The following CDH13 variants were observed in gnomAD, a reference collection of about 807,000 sequenced individuals.
The protein encoded by CDH13 is cadherin-13.
A neutral mutation model predicts 63.8 loss-of-function variants in CDH13; 24 were observed. The observed-to-expected ratio is 0.38, with a 90% confidence interval of 0.27 to 0.53. CDH13 has a LOEUF of 0.53. Among genes scored for constraint, CDH13 ranks in the 20% least tolerant of loss-of-function variants. The pLI is 0.85. For synonymous variants in CDH13, 503 were observed against 355.3 expected (o/e 1.42, Z -4.67); for missense variants, 1,049 against 903.1 (o/e 1.16, Z -2.07).
chr16:83,111,612 A>G (rs896432768), intron 3 of CDH13, among the ~76,000 whole-genome samples: 8 of 152,214 alleles, frequency 5.3e-5, no homozygotes, highest in Admixed American at 3.3e-4. Flanking sequence ...AGGGCTTAAC[A>G]TAAGGGAGTG....
intron 4 of CDH13, among the ~76,000 whole-genome samples, chr16:83,146,206 A>G (rs116887230): frequency 0.16 from 23,739 of 147,798 alleles, 2,365 homozygotes; most frequent in Middle Eastern, 0.27. Flanking sequence ...AAAAAAAAAA[A>G]AAAAGAAAAG....
At chr16:83,266,882 CCTAA>C (rs1372733397) in intron 5 of CDH13, among the ~76,000 whole-genome samples, 1 of 152,186 alleles carries the variant, frequency 6.6e-6, no homozygotes, top group Non-Finnish European at 1.5e-5. Context: ...GATGTCTTGT[CCTAA>C]CTATCAATGA....
At chr16:82,764,234 T>C (rs11859524) in intron 1 of CDH13, among the ~76,000 whole-genome samples, 4,284 of 152,318 alleles carry the variant, frequency 0.028, 212 homozygotes, top group African/African-American at 0.097. Flanking sequence ...ACTGCAACTT[T>C]TGAATTGTCA....
intron 7 of CDH13, among the ~76,000 whole-genome samples, chr16:83,568,597 G>T (rs1282947445): frequency 6.6e-6 from 1 of 152,160 alleles, no homozygotes; most frequent in East Asian, 1.9e-4. Flanking sequence ...TCCCGAGTGG[G>T]GGCAGGGGGT....
intron 3 of CDH13, among the ~76,000 whole-genome samples, chr16:83,036,207 T>G (rs1030586004): frequency 6.9e-6 from 1 of 145,176 alleles, no homozygotes; most frequent in Non-Finnish European, 1.5e-5. Flanking sequence ...TGGAGTGCAA[T>G]GGTACAATCT....
intron 7 of CDH13, among the ~76,000 whole-genome samples, chr16:83,575,992 G>A (rs1173738961): frequency 6.6e-6 from 1 of 152,150 alleles, no homozygotes; most frequent in African/African-American, 2.4e-5. Context: ...CGTTTAGTAC[G>A]TTAATTGATG....
intron 2 of CDH13, among the ~76,000 whole-genome samples, chr16:83,009,074 G>A (rs1308088563): frequency 2.0e-5 from 3 of 152,154 alleles, no homozygotes; most frequent in Admixed American, 6.5e-5. Context: ...CACCCCCACC[G>A]GGTCCTTTCT....
At chr16:82,880,501 A>T (rs1257089781) in intron 2 of CDH13, among the ~76,000 whole-genome samples, 1 of 152,062 alleles carries the variant, frequency 6.6e-6, no homozygotes, top group Non-Finnish European at 1.5e-5. Context: ...TTGGTGATGG[A>T]TTTAGGGAAA....
At chr16:82,686,367 A>C (rs928046672) in intron 1 of CDH13, among the ~76,000 whole-genome samples, 1 of 152,238 alleles carries the variant, frequency 6.6e-6, no homozygotes, top group Non-Finnish European at 1.5e-5. Flanking sequence ...AGTTAGGATC[A>C]ATACACTTAT....
chr16:83,392,642 C>G (rs1384693539), intron 6 of CDH13, among the ~76,000 whole-genome samples: 1 of 152,164 alleles, frequency 6.6e-6, no homozygotes, highest in Non-Finnish European at 1.5e-5. Context: ...TCATCTGGGA[C>G]CACGTCTTCC....
intron 10 of CDH13, among the ~76,000 whole-genome samples, chr16:83,732,759 G>C (rs974007676): frequency 6.6e-6 from 1 of 152,092 alleles, no homozygotes; most frequent in East Asian, 1.9e-4. Context: ...CCTCACCAGG[G>C]GCACCAAACC....
intron 2 of CDH13, among the ~76,000 whole-genome samples, chr16:82,865,204 G>A (rs1455979432): frequency 6.6e-6 from 1 of 152,192 alleles, no homozygotes; most frequent in Non-Finnish European, 1.5e-5. Context: ...GACAGTGCAA[G>A]CTGTCAATGG....
intron 3 of CDH13, among the ~76,000 whole-genome samples, chr16:83,111,011 A>AAAAAAAAG: frequency 6.6e-6 from 1 of 150,466 alleles, no homozygotes; most frequent in East Asian, 1.9e-4. Context: ...GCAAAAAAAA[A>AAAAAAAAG]AAAAAAAAAA....
chr16:83,398,094 C>T (rs747262287), intron 6 of CDH13: 1 of 152,192 alleles, frequency 6.6e-6, no homozygotes, highest in Non-Finnish European at 1.5e-5. Context: ...ACAGCAGAAT[C>T]CCCAGGAGGA....
At chr16:82,708,885 AG>A (rs2031698932) in intron 1 of CDH13, among the ~76,000 whole-genome samples, 1 of 152,222 alleles carries the variant, frequency 6.6e-6, no homozygotes, top group South Asian at 2.1e-4. Flanking sequence ...AAATTCTGCT[AG>A]GGCTCTCTTA....
chr16:83,728,692 T>C (rs1478550754), intron 10 of CDH13, among the ~76,000 whole-genome samples: 1 of 152,198 alleles, frequency 6.6e-6, no homozygotes, highest in African/African-American at 2.4e-5. Flanking sequence ...GTTTTTATTG[T>C]ATATATGTTT....
intron 10 of CDH13, among the ~76,000 whole-genome samples, chr16:83,694,186 A>T (rs1204986361): frequency 1.3e-5 from 2 of 152,204 alleles, no homozygotes; most frequent in East Asian, 3.9e-4. Context: ...GGAAGGAGGG[A>T]TTAGGGACCA....
intron 8 of CDH13, among the ~76,000 whole-genome samples, chr16:83,621,784 G>A (rs1231388792): frequency 1.3e-5 from 2 of 150,358 alleles, no homozygotes; most frequent in Non-Finnish European, 1.5e-5. Context: ...ACCGCACGCA[G>A]CCACCTCACC....
In CDH13 at chr16:83,670,958, C is replaced by G. The variant is rs1197321985; in HGVS notation, c.1270C>G (p.Leu424Val). Residue 424 changes from leucine (L) to valine (V), a missense_variant, in exon 9 of 14, where the codon CTT (leucine) becomes GTT (valine). Leu to Val is a conservative substitution (Grantham distance 32). Coordinates refer to ENST00000567109, the MANE Select transcript of CDH13 (RefSeq NM_001257.5). ...CAACCCTCAAACCAACGAAGGGATG[C>G]TTTCTGTTGTCAAAGTAAGGGTGCT... ...HTNPQTNEGM[L>V]SVVKPLDYEI... The G allele has an allele frequency of 2.5e-6, 4 of 1,596,670 alleles. No individual in the cohort carries two copies. The highest frequency in any genetic ancestry group is 3.4e-6 in the Non-Finnish European group (4 of 1,168,896).
Sources: allele counts gnomAD v4.1 joint callset (sites outside exome capture counted in the v4.1 genomes callset), GRCh38; gene constraint gnomAD v4.1.1; transcripts MANE v1.5; gene names NCBI Gene and HGNC (gene_info 2026-07-23, HGNC 2026-07-21).